The following DDX10 variants were observed in gnomAD, a reference collection of about 807,000 sequenced individuals.
The protein encoded by DDX10 is probable ATP-dependent RNA helicase DDX10.
DDX10 carries 74 observed loss-of-function variants against 104.3 expected under a neutral mutation model. The observed-to-expected ratio is 0.71, with a 90% CI of 0.59 to 0.86. DDX10 has a LOEUF of 0.86. Ranked by LOEUF, DDX10 falls within the 40% of genes least tolerant of loss-of-function variation. The probability of loss-of-function intolerance (pLI) is 0.00; values close to 1 mark genes in which losing one functional copy is unlikely to be tolerated. For missense variants in DDX10, 952 were observed against 1,040.0 expected, an observed-to-expected ratio of 0.92 and a Z score of 1.16; for synonymous variants, 351 against 353.4, an observed-to-expected ratio of 0.99 and a Z score of 0.08.
intron 13 of DDX10, among the ~76,000 whole-genome samples, chr11:108,760,196 T>G (rs375033328): frequency 1.1e-4 from 16 of 152,116 alleles, no homozygotes; most frequent in East Asian, 3.9e-4. Flanking sequence ...TTCAATATGC[T>G]TAAGTGTTAT....
intron 15 of DDX10, among the ~76,000 whole-genome samples, chr11:108,849,973 C>T (rs1862769623): frequency 6.6e-6 from 1 of 152,074 alleles, no homozygotes; most frequent in Non-Finnish European, 1.5e-5. Context: ...AAATCTACTT[C>T]CAGTTCTTTC....
At chr11:108,883,384 G>A (rs1435518976) in intron 16 of DDX10, among the ~76,000 whole-genome samples, 3 of 151,890 alleles carry the variant, frequency 2.0e-5, no homozygotes, top group African/African-American at 4.8e-5. Flanking sequence ...CGAATGAATC[G>A]TCCCAACTGC....
chr11:108,934,749 G>C (rs1322072190), intron 17 of DDX10, among the ~76,000 whole-genome samples: 1 of 152,192 alleles, frequency 6.6e-6, no homozygotes, highest in Admixed American at 6.5e-5. Context: ...GAAAAAACAA[G>C]TTACTGGGTT....
At chr11:108,762,369 A>T (rs915723912) in intron 13 of DDX10, among the ~76,000 whole-genome samples, 1 of 152,186 alleles carries the variant, frequency 6.6e-6, no homozygotes, top group Non-Finnish European at 1.5e-5. Flanking sequence ...TGTTTGGCTT[A>T]TGAAAACAAA....
intron 10 of DDX10, among the ~76,000 whole-genome samples, chr11:108,710,130 T>C (rs2094282123): frequency 6.6e-6 from 1 of 152,188 alleles, no homozygotes; most frequent in South Asian, 2.1e-4. Context: ...CATACCTGCA[T>C]AGGGCACTTA....
chr11:108,665,411 G>A, intron 1 of DDX10, 72 bp downstream of exon 1: 1 of 1,462,982 alleles, frequency 6.8e-7, no homozygotes, highest in Non-Finnish European at 9.0e-7. Flanking sequence ...GCGAGGAGTT[G>A]CAGAGTGGAG....
intron 9 of DDX10, among the ~76,000 whole-genome samples, chr11:108,697,747 G>T (rs1274441528): frequency 6.6e-6 from 1 of 151,978 alleles, no homozygotes. Context: ...ATTCTCTTTA[G>T]GGCTTATAGT....
intron 4 of DDX10, 82 bp downstream of exon 4, chr11:108,677,325 G>A: frequency 7.7e-7 from 1 of 1,305,802 alleles, no homozygotes. Flanking sequence ...AGGCAGCAGA[G>A]ACTTCATCTA....
intron 17 of DDX10, among the ~76,000 whole-genome samples, chr11:108,939,050 C>T (rs1230659645): frequency 2.0e-5 from 3 of 152,092 alleles, no homozygotes; most frequent in African/African-American, 7.2e-5. Context: ...AGAAAGTTAA[C>T]GTGTATTGAG....
At chr11:108,721,077 AAGGTCTGTATGTTTGGCT>A (rs2094297778) in intron 12 of DDX10, among the ~76,000 whole-genome samples, 1 of 152,130 alleles carries the variant, frequency 6.6e-6, no homozygotes, top group Admixed American at 6.5e-5. Flanking sequence ...ATTACAAGGC[AAGGTCTGTATGTTTGGCT>A]TGCTCTTAGG....
At chr11:108,747,703 A>C (rs1297784777) in intron 13 of DDX10, among the ~76,000 whole-genome samples, 1 of 152,144 alleles carries the variant, frequency 6.6e-6, no homozygotes, top group Non-Finnish European at 1.5e-5. Context: ...TTGTTAAATT[A>C]GTGCCCTATC....
rs555908167 is a variant in DDX10, at chr11:108,777,928, T to C, written c.1965+54466T>C. 1.1e-4 allele frequency among the ~76,000 whole-genome samples: 16 copies of C among 152,192 alleles called. No homozygotes were observed. In the South Asian group the frequency reaches 3.3e-3, roughly 32 times the overall value. On this transcript the variant is annotated intron_variant, in intron 13 of 17. Transcript: ENST00000322536. ...GACAAACAGAGAGCCAAATCATGAG[T>C]GAACTCCCATTCATAATTGCTTCAA...
intron 15 of DDX10, among the ~76,000 whole-genome samples, chr11:108,845,412 CAATTCTT>C (rs1862702948): frequency 6.6e-6 from 1 of 152,074 alleles, no homozygotes; most frequent in African/African-American, 2.4e-5. Context: ...ACTATAATGA[CAATTCTT>C]AGTTCTTTTA....
chr11:108,917,960 C>A lies in DDX10; in HGVS notation c.2392C>A (p.Pro798Thr), dbSNP rs1385170514. The change falls in exon 17 of 18, where the codon CCA (proline) becomes ACA (threonine). Residue 798 changes from proline (P) to threonine (T), a missense_variant. By Grantham distance (38) the Pro-to-Thr change is conservative. This residue lies in a region of DDX10 where 533 missense variants were observed against 534.1 expected (regional missense o/e 1.00). Coordinates refer to ENST00000322536, the MANE Select transcript of DDX10 (RefSeq NM_004398.4). ...DGFDPSTLPD[P>T]DKYRSSEDSD... ...ATTTGATCCAAGCACACTCCCAGAT[C>A]CAGATAAATACAGAAGCTCTGAAGA... 1.9e-6 allele frequency: 3 copies of A among 1,613,314 alleles called. No individual in the cohort carries two copies. The highest frequency in any genetic ancestry group is 3.5e-4 in the Middle Eastern group (2 of 5,650).
intron 16 of DDX10, among the ~76,000 whole-genome samples, chr11:108,913,057 G>C (rs1337011444): frequency 1.3e-5 from 2 of 152,116 alleles, no homozygotes; most frequent in Admixed American, 1.3e-4. Context: ...AACGAGGATG[G>C]TTCTGTCAGC....
intron 14 of DDX10, among the ~76,000 whole-genome samples, chr11:108,839,265 G>A (rs896420818): frequency 1.6e-4 from 24 of 152,056 alleles, no homozygotes; most frequent in African/African-American, 5.1e-4. Context: ...TCTCACCAGC[G>A]CAGGTTTTCC....
chr11:108,700,770 T>C (rs1164393779), intron 9 of DDX10, among the ~76,000 whole-genome samples: 1 of 152,204 alleles, frequency 6.6e-6, no homozygotes, highest in Non-Finnish European at 1.5e-5. Context: ...TGGGGTTAAT[T>C]GTATCTAACT....
chr11:108,833,215 G>A (rs1382464528), intron 13 of DDX10, among the ~76,000 whole-genome samples: 2 of 152,142 alleles, frequency 1.3e-5, no homozygotes, highest in African/African-American at 4.8e-5. Flanking sequence ...TCCCTCAAAA[G>A]GAAGTTCCTT....
intron 13 of DDX10, among the ~76,000 whole-genome samples, chr11:108,836,117 A>G (rs1025492837): frequency 1.3e-5 from 2 of 152,168 alleles, no homozygotes; most frequent in South Asian, 2.1e-4. Context: ...TCCAGCCTCA[A>G]TTATAGCATA....
Sources: gnomAD v4.1 joint callset for allele counts (sites outside exome capture counted in the v4.1 genomes callset) on GRCh38, gnomAD v4.1.1 for gene constraint, gnomAD v4.1.1 regional missense constraint, MANE v1.5 for transcripts, NCBI Gene and HGNC (gene_info 2026-07-23, HGNC 2026-07-21) for gene names.